MAGI3: variants seen among roughly 807,000 people sequenced by gnomAD.
MAGI3 encodes membrane-associated guanylate kinase, WW and PDZ domain-containing protein 3.
In MAGI3, 43 loss-of-function variants were observed where a neutral mutation model predicts 121.8. The ratio of observed to expected loss-of-function variants is 0.35; its 90% CI spans 0.28 to 0.46. The LOEUF (loss-of-function observed/expected upper bound fraction) is 0.46, where lower values mean the gene tolerates loss of function less well. Ranked by LOEUF, MAGI3 falls within the 20% of genes least tolerant of loss-of-function variation. The pLI, the probability that MAGI3 is intolerant of heterozygous loss-of-function variation, is 1.00. For synonymous variants in MAGI3, 553 were observed against 639.3 expected (o/e 0.86, Z 2.04); for missense variants, 1,547 against 1,797.3 (o/e 0.86, Z 2.52).
chr1:113,585,721 TG>T (rs532507266), intron 4 of MAGI3, 125 bp downstream of exon 4: 125 of 781,960 alleles, frequency 1.6e-4, no homozygotes, highest in Non-Finnish European at 2.4e-4. Flanking sequence ...TTAATTTTTT[TG>T]TAAAGGTTGT....
At chr1:113,669,481 G>A (rs990549153) in intron 16 of MAGI3, among the ~76,000 whole-genome samples, 4 of 152,216 alleles carry the variant, frequency 2.6e-5, no homozygotes, top group African/African-American at 4.8e-5. Flanking sequence ...AAAGCCAGGA[G>A]TGCCCAGGTA....
At chr1:113,648,849 T>C (rs765913028) in intron 12 of MAGI3, among the ~76,000 whole-genome samples, 16 of 152,214 alleles carry the variant, frequency 1.1e-4, no homozygotes, top group Non-Finnish European at 1.9e-4. Context: ...CAGCAGTGCC[T>C]GTACAGATTT....
chr1:113,544,995 G>A (rs1045602460), intron 1 of MAGI3, among the ~76,000 whole-genome samples: 1 of 151,124 alleles, frequency 6.6e-6, no homozygotes, highest in African/African-American at 2.4e-5. Flanking sequence ...TGCCTCCCAG[G>A]AGTTGACGGA....
At chr1:113,564,144 T>C (rs964419257) in intron 2 of MAGI3, among the ~76,000 whole-genome samples, 3 of 152,228 alleles carry the variant, frequency 2.0e-5, no homozygotes, top group Admixed American at 2.0e-4. Context: ...GAATTAGTAC[T>C]AGTAGCGCTC....
At chr1:113,644,018 A>G (rs568104402) in intron 11 of MAGI3, among the ~76,000 whole-genome samples, 8 of 152,338 alleles carry the variant, frequency 5.3e-5, no homozygotes, top group East Asian at 1.9e-4. Context: ...TGTACCAATA[A>G]TCCTGTTCTC....
At chr1:113,415,937 G>T (rs1652278219) in intron 1 of MAGI3, among the ~76,000 whole-genome samples, 1 of 150,918 alleles carries the variant, frequency 6.6e-6, no homozygotes, top group South Asian at 2.1e-4. Context: ...TAAAGCTAGT[G>T]AAAGTAGCCA....
chr1:113,576,820 G>C (rs548151816), intron 2 of MAGI3: 1 of 152,166 alleles, frequency 6.6e-6, no homozygotes, highest in Non-Finnish European at 1.5e-5. Context: ...CTTGTTCATT[G>C]TTGAGGTTGT....
At chr1:113,540,388 G>A (rs952603592) in intron 1 of MAGI3, among the ~76,000 whole-genome samples, 1 of 152,182 alleles carries the variant, frequency 6.6e-6, no homozygotes, top group Non-Finnish European at 1.5e-5. Flanking sequence ...GAACCAATGG[G>A]GAGGAGAGAT....
chr1:113,594,180 C>T (rs1648856602), intron 5 of MAGI3, among the ~76,000 whole-genome samples: 1 of 152,186 alleles, frequency 6.6e-6, no homozygotes, highest in Admixed American at 6.5e-5. Context: ...GCTATGCGCC[C>T]ACCTTTTGAA....
chr1:113,673,555 A>G, intron 19 of MAGI3, 90 bp downstream of exon 19: 1 of 1,355,798 alleles, frequency 7.4e-7, no homozygotes, highest in East Asian at 2.4e-5. Flanking sequence ...GGAATGCAGG[A>G]ACCTCCTAAA....
Position 113,391,486 on chromosome 1 carries a change from A to C in MAGI3, c.316+137A>C. 2 of 997,704 alleles carry C rather than the reference A, an allele frequency of 2.0e-6. No homozygotes were observed. Among genetic ancestry groups the C allele is most frequent in the Non-Finnish European group, 2.9e-6 (2 of 695,566 alleles). The allele number at this position is 997,704 out of a possible 1,614,324, so 61.8% of individuals were successfully genotyped here. ...CCTCTAGGGTGTGCCAGACTCCTTG[A>C]CGAGGGGGAGGGGTGGCGTTGGTGA... On this transcript the variant is annotated intron_variant, in intron 1 of 20. Transcript: ENST00000307546. The surrounding 1 kb of genome is among the most constrained non-coding windows in gnomAD (Gnocchi z 4.4).
At chr1:113,672,577 C>G (rs377346748) in intron 17 of MAGI3, 38 bp from the exon 18 acceptor site, 4 of 1,581,228 alleles carry the variant, frequency 2.5e-6, no homozygotes, top group East Asian at 4.5e-5. Flanking sequence ...TTTTCATTTT[C>G]TCAGTTCAGA....
intron 1 of MAGI3, among the ~76,000 whole-genome samples, chr1:113,445,162 AGG>A (rs1309538297): frequency 6.6e-6 from 1 of 152,150 alleles, no homozygotes; most frequent in Non-Finnish European, 1.5e-5. Flanking sequence ...GAAGGAGAAG[AGG>A]GAGAGAAAGG....
intron 12 of MAGI3, among the ~76,000 whole-genome samples, chr1:113,648,276 A>T (rs1652962551): frequency 6.6e-6 from 1 of 152,164 alleles, no homozygotes; most frequent in Non-Finnish European, 1.5e-5. Flanking sequence ...GGAATTTACT[A>T]ATCTCACTTT....
At chr1:113,426,958 A>G (rs183662228) in intron 1 of MAGI3, among the ~76,000 whole-genome samples, 12 of 151,854 alleles carry the variant, frequency 7.9e-5, no homozygotes, top group Non-Finnish European at 1.6e-4. Context: ...ATCTATCTAT[A>G]TATATATATA....
chr1:113,453,174 A>G (rs1447547134), intron 1 of MAGI3, among the ~76,000 whole-genome samples: 1 of 152,150 alleles, frequency 6.6e-6, no homozygotes, highest in Non-Finnish European at 1.5e-5. Flanking sequence ...TGAAAATGAC[A>G]ATTAAGATAG....
chr1:113,560,803 C>G (rs1660203423), intron 2 of MAGI3, among the ~76,000 whole-genome samples: 1 of 151,768 alleles, frequency 6.6e-6, no homozygotes, highest in Admixed American at 6.6e-5. Context: ...CATGAAAAAC[C>G]CTTCAAAAAA....
chr1:113,653,499 G>C (rs1653289279), intron 14 of MAGI3, among the ~76,000 whole-genome samples: 1 of 151,924 alleles, frequency 6.6e-6, no homozygotes, highest in Non-Finnish European at 1.5e-5. Flanking sequence ...GTGAACCCAG[G>C]AAGCAGAGGT....
At chr1:113,526,825 C>T (rs935295165) in intron 1 of MAGI3, among the ~76,000 whole-genome samples, 9 of 152,012 alleles carry the variant, frequency 5.9e-5, no homozygotes, top group African/African-American at 1.7e-4. Flanking sequence ...GAGATGGTAT[C>T]AACAGTATTT....
Sources: gnomAD v4.1 joint callset for allele counts (sites outside exome capture counted in the v4.1 genomes callset) on GRCh38, gnomAD v4.1.1 for gene constraint, Gnocchi (gnomAD v3.1) non-coding constraint, MANE v1.5 for transcripts, NCBI Gene and HGNC (gene_info 2026-07-23, HGNC 2026-07-21) for gene names.